RAB27B: variants seen among roughly 807,000 people sequenced by gnomAD.
RAB27B encodes ras-related protein Rab-27B.
A neutral mutation model predicts 24.6 loss-of-function variants in RAB27B; 15 were observed. That is an observed-to-expected ratio of 0.61 (90% CI 0.41 to 0.94). The LOEUF (loss-of-function observed/expected upper bound fraction) is 0.94. Among genes scored for constraint, RAB27B ranks in the 40% least tolerant of loss-of-function variants. The pLI is 0.00. For missense variants in RAB27B, 261 were observed against 266.8 expected, an observed-to-expected ratio of 0.98 and a Z score of 0.15; for synonymous variants, 105 against 92.5, an observed-to-expected ratio of 1.14 and a Z score of -0.78.
intron 2 of RAB27B, among the ~76,000 whole-genome samples, chr18:54,776,785 A>G (rs1908728467): frequency 6.6e-6 from 1 of 152,194 alleles, no homozygotes; most frequent in Non-Finnish European, 1.5e-5. Context: ...CGGGCCTGGC[A>G]TGGTCAGGCA....
intron 1 of RAB27B, among the ~76,000 whole-genome samples, chr18:54,859,895 A>G (rs1305397936): frequency 1.3e-5 from 2 of 152,238 alleles, no homozygotes; most frequent in Non-Finnish European, 2.9e-5. Flanking sequence ...GAAGTGGCTG[A>G]AATCATCTAG....
chr18:54,721,480 G>A (rs1909356355), intron 2 of RAB27B, among the ~76,000 whole-genome samples: 1 of 152,266 alleles, frequency 6.6e-6, no homozygotes, highest in Middle Eastern at 3.4e-3. Flanking sequence ...GAGTTTGCAG[G>A]CTGGAATCAG....
chr18:54,847,348 T>A (rs1911380134), intron 1 of RAB27B, among the ~76,000 whole-genome samples: 1 of 152,186 alleles, frequency 6.6e-6, no homozygotes, highest in South Asian at 2.1e-4. Context: ...AGGGGAGATA[T>A]GTTTCAGTGA....
intron 2 of RAB27B, among the ~76,000 whole-genome samples, chr18:54,817,647 T>G (rs2145160107): frequency 6.6e-6 from 1 of 152,158 alleles, no homozygotes; most frequent in Non-Finnish European, 1.5e-5. Flanking sequence ...TTAGTTGCAT[T>G]AGTTGCAATT....
upstream of RAB27B, among the ~76,000 whole-genome samples, chr18:54,826,353 C>T (rs973170756): frequency 6.6e-6 from 1 of 152,178 alleles, no homozygotes; most frequent in East Asian, 1.9e-4. Context: ...TTTTATTCTG[C>T]TCTACCTCTG....
intron 2 of RAB27B, among the ~76,000 whole-genome samples, chr18:54,724,865 G>T (rs1909479903): frequency 6.6e-6 from 1 of 151,606 alleles, no homozygotes; most frequent in South Asian, 2.1e-4. Flanking sequence ...GATGAACAGA[G>T]GATATTTTGT....
intron 1 of RAB27B, among the ~76,000 whole-genome samples, chr18:54,876,656 G>A (rs1222656624): frequency 2.6e-5 from 4 of 151,552 alleles, no homozygotes; most frequent in Admixed American, 2.0e-4. Flanking sequence ...CGGTGTTACT[G>A]GTACAGGATT....
intron 2 of RAB27B, among the ~76,000 whole-genome samples, chr18:54,791,969 G>A (rs1466595015): frequency 6.6e-6 from 1 of 152,122 alleles, no homozygotes; most frequent in African/African-American, 2.4e-5. Context: ...CTCCATGGTG[G>A]GACAGCTCCT....
chr18:54,832,087 A>G (rs558955299), intron 1 of RAB27B, among the ~76,000 whole-genome samples: 8 of 152,264 alleles, frequency 5.3e-5, no homozygotes, highest in Non-Finnish European at 1.0e-4. Context: ...TGATGTTTTT[A>G]AAAGATCACT....
At chr18:54,790,441 G>T (rs970489707) in intron 2 of RAB27B, among the ~76,000 whole-genome samples, 2 of 152,060 alleles carry the variant, frequency 1.3e-5, no homozygotes, top group African/African-American at 4.8e-5. Flanking sequence ...TTTGAAGGTT[G>T]ACTACATAAA....
At chr18:54,742,879 T>G (rs960486525) in intron 2 of RAB27B, among the ~76,000 whole-genome samples, 1 of 152,212 alleles carries the variant, frequency 6.6e-6, no homozygotes, top group Non-Finnish European at 1.5e-5. Context: ...AGGAAAGCCT[T>G]GCAAATTTTG....
chr18:54,730,996 A>G (rs1909713044), intron 2 of RAB27B, among the ~76,000 whole-genome samples: 3 of 152,324 alleles, frequency 2.0e-5, no homozygotes, highest in South Asian at 4.1e-4. Flanking sequence ...AGTAATAGTC[A>G]TATGTATTTT....
At chr18:54,838,512 A>T (rs1910982817) in intron 1 of RAB27B, among the ~76,000 whole-genome samples, 1 of 152,184 alleles carries the variant, frequency 6.6e-6, no homozygotes, top group African/African-American at 2.4e-5. Context: ...TTTAATAATT[A>T]GTACGAGAAC....
At chr18:54,781,589 G>A (rs188400693) in intron 2 of RAB27B, among the ~76,000 whole-genome samples, 2 of 152,110 alleles carry the variant, frequency 1.3e-5, no homozygotes, top group African/African-American at 4.8e-5. Flanking sequence ...TGTGATACTA[G>A]ATTTGGGCTT....
intron 2 of RAB27B, among the ~76,000 whole-genome samples, chr18:54,775,403 A>G (rs1332667280): frequency 6.6e-6 from 1 of 152,216 alleles, no homozygotes; most frequent in Admixed American, 6.5e-5. Flanking sequence ...TCCTCTTGGC[A>G]TCATATTGCC....
intron 1 of RAB27B, among the ~76,000 whole-genome samples, chr18:54,842,864 G>A (rs1234437008): frequency 6.6e-6 from 1 of 152,012 alleles, no homozygotes; most frequent in Non-Finnish European, 1.5e-5. Flanking sequence ...GCGGGATCTC[G>A]GCTCACTGCA....
chr18:54,846,152 A>G (rs1375566833), intron 1 of RAB27B, among the ~76,000 whole-genome samples: 1 of 152,214 alleles, frequency 6.6e-6, no homozygotes. Flanking sequence ...CAAGCAGGCT[A>G]TATGTGCCTT....
chr18:54,721,246 G>A (rs979341915), intron 2 of RAB27B, among the ~76,000 whole-genome samples: 3 of 152,182 alleles, frequency 2.0e-5, no homozygotes, highest in African/African-American at 7.2e-5. Flanking sequence ...TGATATGCAA[G>A]TTTATCCAAA....
At chr18:54,856,046 T>C (rs561956286) in intron 1 of RAB27B, among the ~76,000 whole-genome samples, 1 of 152,316 alleles carries the variant, frequency 6.6e-6, no homozygotes, top group Admixed American at 6.5e-5. Context: ...GCTTGCACCC[T>C]AGTGGGAAAA....
Sources: gnomAD v4.1 joint callset for allele counts (sites outside exome capture counted in the v4.1 genomes callset) on GRCh38, gnomAD v4.1.1 for gene constraint, MANE v1.5 for transcripts, NCBI Gene and HGNC (gene_info 2026-07-23, HGNC 2026-07-21) for gene names.